CEP350: variants seen among roughly 807,000 people sequenced by gnomAD.
CEP350 encodes centrosomal protein 350, also known as centrosome-associated protein 350.
CEP350 carries 126 observed loss-of-function variants against 331.8 expected under a neutral mutation model. That is an observed-to-expected ratio of 0.38 (90% CI 0.33 to 0.44). CEP350 has a LOEUF of 0.44. Ranked by LOEUF, CEP350 falls within the 20% of genes least tolerant of loss-of-function variation. The pLI is 1.00. For synonymous variants in CEP350, 1,200 were observed against 1,259.5 expected (o/e 0.95, Z 1.00); for missense variants, 3,406 against 3,634.6 (o/e 0.94, Z 1.62).
chr1:179,957,541 C>T (rs1411960358), intron 1 of CEP350, among the ~76,000 whole-genome samples: 1 of 152,134 alleles, frequency 6.6e-6, no homozygotes, highest in African/African-American at 2.4e-5. Flanking sequence ...ATTATGCACC[C>T]AGTGCCTAGC....
rs191038232 is a variant in CEP350 at position 179,990,072 on chromosome 1, C to T, written c.121-435C>T. On this transcript the variant is annotated intron_variant, in intron 3 of 37. Transcript: ENST00000367607. ...GGCGTGGTGGCGCACGCCTGTAATC[C>T]CAGCCTCTAGGGAGGCTGAGGGAGA... Among the ~76,000 whole-genome samples, 8 of 151,920 alleles carry T rather than the reference C, an allele frequency of 5.3e-5. No individual in the cohort carries two copies. In the East Asian group the frequency reaches 1.6e-3, roughly 29 times the overall value.
In CEP350 at chr1:180,053,939, GTTC is replaced by G. The variant is rs1314996140; in HGVS notation, c.5174+8_5174+10del. On this transcript the variant is annotated splice_donor_region_variant and intron_variant, in intron 24 of 37. Coordinates refer to ENST00000367607, the MANE Select transcript of CEP350 (RefSeq NM_014810.5). Reference sequence around the variant, plus strand: ...CTGGTTAGAGCATCAAAAAAAGTAAGTTCTTTTGAGCAGTTTTCACTAATTTCT... The same window carrying G: ...CTGGTTAGAGCATCAAAAAAAGTAAGTTTTGAGCAGTTTTCACTAATTTCT... The G allele has an allele frequency of 3.3e-6, 5 of 1,533,666 alleles. No individual in the cohort carries two copies. In the African/African-American group the frequency reaches 5.5e-5, roughly 17 times the overall value.
At chr1:180,101,596 A>C (rs1660818955) in intron 37 of CEP350, among the ~76,000 whole-genome samples, 1 of 152,112 alleles carries the variant, frequency 6.6e-6, no homozygotes, top group African/African-American at 2.4e-5. Flanking sequence ...GTATCCTCTG[A>C]ATCAGTTCTG....
chr1:179,999,087 C>T (rs1036809134), intron 6 of CEP350, among the ~76,000 whole-genome samples: 1 of 151,958 alleles, frequency 6.6e-6, no homozygotes, highest in African/African-American at 2.4e-5. Flanking sequence ...AGTGATTACC[C>T]GAAATCTTTG....
intron 22 of CEP350, among the ~76,000 whole-genome samples, chr1:180,049,027 C>T (rs1443005241): frequency 6.6e-6 from 1 of 152,074 alleles, no homozygotes; most frequent in Non-Finnish European, 1.5e-5. Context: ...ATGATTGAGA[C>T]ATAGCACTGC....
chr1:180,063,252 G>A (rs1207790250), intron 26 of CEP350, among the ~76,000 whole-genome samples: 2 of 141,912 alleles, frequency 1.4e-5, no homozygotes, highest in East Asian at 2.1e-4. Flanking sequence ...ATAAAATGGT[G>A]CAATCACAGC....
At chr1:180,056,915 G>C (rs901662222) in intron 25 of CEP350, among the ~76,000 whole-genome samples, 1 of 152,194 alleles carries the variant, frequency 6.6e-6, no homozygotes, top group East Asian at 1.9e-4. Flanking sequence ...CTTCAGTTTG[G>C]AAAGTTTTTA....
In CEP350 at chr1:180,020,697, CTT is replaced by C; in HGVS notation, c.2924_2925del (p.Leu975ArgfsTer9). On this transcript the variant is annotated frameshift_variant, in exon 12 of 38. Transcript: ENST00000367607. LOFTEE classifies it high-confidence loss of function. ...ACSQDKAKIS[L>X]GSSIDSVSEG... Reference sequence around the variant, plus strand: ...TTCTCAAGACAAAGCCAAAATATCTCTTGGTTCCAGCATAGATTCAGTCAGTG... The same window carrying C: ...TTCTCAAGACAAAGCCAAAATATCTCGGTTCCAGCATAGATTCAGTCAGTG... 1 of 1,613,980 alleles carries C rather than the reference CTT, an allele frequency of 6.2e-7. No homozygotes were observed. Among genetic ancestry groups the C allele is most frequent in the Non-Finnish European group, 8.5e-7 (1 of 1,179,860 alleles).
At chr1:179,955,770 G>A (rs752861779) in intron 1 of CEP350, among the ~76,000 whole-genome samples, 2 of 152,206 alleles carry the variant, frequency 1.3e-5, no homozygotes, top group African/African-American at 4.8e-5. Flanking sequence ...TAAATATTCA[G>A]ATAGAAAGTT....
intron 30 of CEP350, among the ~76,000 whole-genome samples, chr1:180,082,546 C>T (rs576335784): frequency 6.6e-6 from 1 of 152,224 alleles, no homozygotes; most frequent in East Asian, 1.9e-4. Context: ...AACTCCTGAC[C>T]TCAAGCAGTC....
intron 25 of CEP350, among the ~76,000 whole-genome samples, chr1:180,059,831 G>A: frequency 6.6e-6 from 1 of 151,964 alleles, no homozygotes; most frequent in South Asian, 2.1e-4. Flanking sequence ...AAAAATTTCT[G>A]TTGCCCACCC....
chr1:180,103,790 C>T (rs1171036652), intron 37 of CEP350, among the ~76,000 whole-genome samples: 2 of 151,946 alleles, frequency 1.3e-5, no homozygotes, highest in East Asian at 3.9e-4. Flanking sequence ...AATTCTCTTT[C>T]CATGGCTCGT....
At position 180,052,967 on chromosome 1, in the gene CEP350, T is replaced by C. The variant is rs1477070206; in HGVS notation, c.4793-3T>C. 3 of 1,173,472 alleles carry C rather than the reference T, an allele frequency of 2.6e-6. No individual in the cohort carries two copies. The highest frequency in any genetic ancestry group is 3.7e-6 in the Non-Finnish European group (3 of 801,934). The allele number at this position is 1,173,472 out of a possible 1,614,324, so 72.7% of individuals were successfully genotyped here. ...AAAATCTACTTTCTCCATATTCTTT[T>C]AGACTCAACGTCTATTGCAACAGAA... On this transcript the variant is annotated splice_region_variant and splice_polypyrimidine_tract_variant and intron_variant, in intron 22 of 37. Transcript: ENST00000367607.
intron 8 of CEP350, among the ~76,000 whole-genome samples, chr1:180,010,987 C>CT (rs144305777): frequency 0.044 from 6,691 of 150,888 alleles, 194 homozygotes; most frequent in East Asian, 0.16. Context: ...TGTAAACAGT[C>CT]TTTTTTTTTC....
intron 1 of CEP350, among the ~76,000 whole-genome samples, chr1:179,976,171 C>G (rs574669429): frequency 1.3e-5 from 2 of 151,854 alleles, no homozygotes; most frequent in East Asian, 1.9e-4. Flanking sequence ...TAGACAGATA[C>G]AATTCTTTTT....
At chr1:179,960,690 G>A (rs1051300411) in intron 1 of CEP350, among the ~76,000 whole-genome samples, 1 of 151,954 alleles carries the variant, frequency 6.6e-6, no homozygotes, top group Non-Finnish European at 1.5e-5. Flanking sequence ...AATGAAGGTG[G>A]TGGTGTCCAA....
At chr1:180,051,708 T>C (rs1657513097) in intron 22 of CEP350, among the ~76,000 whole-genome samples, 1 of 152,202 alleles carries the variant, frequency 6.6e-6, no homozygotes, top group Non-Finnish European at 1.5e-5. Flanking sequence ...TACAGATACA[T>C]GGCATAACAA....
At chr1:180,077,562 G>C (rs550347130) in intron 28 of CEP350, among the ~76,000 whole-genome samples, 221 of 151,518 alleles carry the variant, frequency 1.5e-3, no homozygotes, top group Non-Finnish European at 2.4e-3. Context: ...AGCTACTTAG[G>C]GGGCAGAGGC....
In CEP350 at chr1:180,094,214, G is replaced by A. The variant is rs753748306; in HGVS notation, c.8109G>A (p.Glu2703=). The change falls in exon 34 of 38, where the codon GAG becomes GAA. Residue 2703 remains glutamate (E), a synonymous_variant. Coordinates refer to ENST00000367607, the MANE Select transcript of CEP350 (RefSeq NM_014810.5). The part of the protein sequence containing the change: ...ELEKQQQFTE[E]EDNLYAEASE... Reference sequence around the variant, plus strand: ...AGAAGCAACAGCAGTTTACAGAAGAGGAAGACAACCTATATGCTGAAGCTT... The same window carrying A: ...AGAAGCAACAGCAGTTTACAGAAGAAGAAGACAACCTATATGCTGAAGCTT... The A allele has an allele frequency of 6.2e-7, 1 of 1,613,166 alleles. No homozygotes were observed. Among genetic ancestry groups the A allele is most frequent in the Non-Finnish European group, 8.5e-7 (1 of 1,179,518 alleles).
Sources: allele counts gnomAD v4.1 joint callset (sites outside exome capture counted in the v4.1 genomes callset), GRCh38; gene constraint gnomAD v4.1.1; transcripts MANE v1.5; gene names NCBI Gene and HGNC (gene_info 2026-07-23, HGNC 2026-07-21).